RBFOX1: variants seen among roughly 807,000 people sequenced by gnomAD.
The protein encoded by RBFOX1 is RNA binding fox-1 homolog 1, also known as RNA binding protein fox-1 homolog 1.
RBFOX1 carries 8 observed loss-of-function variants against 57.7 expected under a neutral mutation model. The observed-to-expected ratio is 0.14, with a 90% CI of 0.08 to 0.25. The LOEUF is 0.25. Among genes scored for constraint, RBFOX1 ranks in the 10% least tolerant of loss-of-function variants. The pLI is 1.00. For missense variants in RBFOX1, 611 were observed against 548.5 expected, an observed-to-expected ratio of 1.11 and a Z score of -1.14; for synonymous variants, 326 against 222.4, an observed-to-expected ratio of 1.47 and a Z score of -4.15.
intron 2 of RBFOX1, among the ~76,000 whole-genome samples, chr16:6,337,066 G>A (rs144061212): frequency 1.3e-5 from 2 of 152,286 alleles, no homozygotes; most frequent in African/African-American, 4.8e-5. Context: ...TGGAACCCAA[G>A]AGTTCAGAGC....
intron 4 of RBFOX1, among the ~76,000 whole-genome samples, chr16:5,888,461 G>A (rs1322902170): frequency 6.6e-6 from 1 of 152,058 alleles, no homozygotes; most frequent in African/African-American, 2.4e-5. Context: ...CTGTGTTCCA[G>A]CCTCCAATAC....
At chr16:6,004,104 G>A (rs768279044) in intron 4 of RBFOX1, among the ~76,000 whole-genome samples, 9 of 152,188 alleles carry the variant, frequency 5.9e-5, no homozygotes, top group Non-Finnish European at 1.3e-4. Flanking sequence ...CCAAGGTGAT[G>A]GGTTGATAGG....
intron 5 of RBFOX1, among the ~76,000 whole-genome samples, chr16:7,536,563 C>T (rs945211199): frequency 2.6e-5 from 4 of 152,184 alleles, no homozygotes; most frequent in African/African-American, 9.6e-5. Context: ...CACTGCACTC[C>T]AGCCTGGGCA....
At chr16:7,241,018 C>T (rs946694544) in intron 4 of RBFOX1, among the ~76,000 whole-genome samples, 3 of 152,186 alleles carry the variant, frequency 2.0e-5, no homozygotes, top group African/African-American at 7.2e-5. Context: ...AATATCTGTT[C>T]TGGCTATCGT....
intron 1 of RBFOX1, among the ~76,000 whole-genome samples, chr16:6,178,068 A>G (rs2097027490): frequency 6.6e-6 from 1 of 152,062 alleles, no homozygotes; most frequent in South Asian, 2.1e-4. Context: ...TTTCCCTAAA[A>G]TATGATTGCT....
chr16:6,760,814 A>G (rs1603615724), intron 3 of RBFOX1, among the ~76,000 whole-genome samples: 4 of 152,296 alleles, frequency 2.6e-5, no homozygotes, highest in South Asian at 2.1e-4. Context: ...GATTCCAACT[A>G]GAACCAACAC....
At chr16:5,503,586 G>C (rs2043276053) in intron 2 of RBFOX1, among the ~76,000 whole-genome samples, 1 of 152,166 alleles carries the variant, frequency 6.6e-6, no homozygotes, top group Non-Finnish European at 1.5e-5. Context: ...TGGGACTATA[G>C]GTGTGAGCCA....
chr16:6,100,691 T>C (rs756570245), intron 1 of RBFOX1, among the ~76,000 whole-genome samples: 3 of 152,232 alleles, frequency 2.0e-5, no homozygotes, highest in Non-Finnish European at 4.4e-5. Flanking sequence ...AACACCTTAA[T>C]ATAGAGACTA....
At chr16:7,522,169 A>G (rs1475648250) in intron 5 of RBFOX1, among the ~76,000 whole-genome samples, 1 of 152,214 alleles carries the variant, frequency 6.6e-6, no homozygotes. Context: ...CTTCAGAATA[A>G]ATCATTAAAG....
intron 4 of RBFOX1, among the ~76,000 whole-genome samples, chr16:7,419,322 G>C (rs192993450): frequency 2.3e-3 from 354 of 152,176 alleles, no homozygotes; most frequent in Middle Eastern, 6.8e-3. Flanking sequence ...CCCTTAGCTG[G>C]GCATCAAACA....
chr16:7,204,923 C>T (rs996209913), intron 4 of RBFOX1, among the ~76,000 whole-genome samples: 2 of 152,170 alleles, frequency 1.3e-5, no homozygotes, highest in South Asian at 2.1e-4. Flanking sequence ...CTTGCACTGT[C>T]TGGGACTATG....
chr16:7,458,912 C>A (rs2059039947), intron 4 of RBFOX1, among the ~76,000 whole-genome samples: 1 of 152,198 alleles, frequency 6.6e-6, no homozygotes, highest in African/African-American at 2.4e-5. Flanking sequence ...TAAGCTCCAA[C>A]CGGGTAGATA....
At chr16:5,555,643 G>A (rs937987178) in intron 2 of RBFOX1, among the ~76,000 whole-genome samples, 7 of 152,160 alleles carry the variant, frequency 4.6e-5, no homozygotes, top group African/African-American at 1.7e-4. Flanking sequence ...TGGAACATGT[G>A]CCCTATGTGT....
At chr16:6,070,829 C>G (rs1016193119) in intron 1 of RBFOX1, among the ~76,000 whole-genome samples, 11 of 151,008 alleles carry the variant, frequency 7.3e-5, no homozygotes, top group Non-Finnish European at 1.6e-4. Flanking sequence ...CCCCCCCACA[C>G]ACACATTTGC....
At chr16:7,434,211 G>T (rs1045422163) in intron 4 of RBFOX1, among the ~76,000 whole-genome samples, 2 of 152,054 alleles carry the variant, frequency 1.3e-5, no homozygotes, top group African/African-American at 4.8e-5. Context: ...GTGGCTCACG[G>T]CTATAATCCC....
At chr16:7,479,322 G>A (rs1298284270) in intron 4 of RBFOX1, among the ~76,000 whole-genome samples, 3 of 151,910 alleles carry the variant, frequency 2.0e-5, no homozygotes, top group Non-Finnish European at 2.9e-5. Flanking sequence ...TAGAGATGGG[G>A]GTCTCACTTT....
intron 1 of RBFOX1, among the ~76,000 whole-genome samples, chr16:5,382,313 C>T (rs1353603761): frequency 6.6e-6 from 1 of 152,032 alleles, no homozygotes; most frequent in African/African-American, 2.4e-5. Flanking sequence ...TGTTATTCTG[C>T]TCTTTGAAAA....
intron 4 of RBFOX1, among the ~76,000 whole-genome samples, chr16:5,949,513 G>A (rs1317847493): frequency 3.1e-5 from 4 of 128,744 alleles, no homozygotes; most frequent in Admixed American, 2.6e-4. Context: ...GTGGCAGTGC[G>A]AGAGTCCATC....
At chr16:5,477,497 C>T (rs998362583) in intron 2 of RBFOX1, among the ~76,000 whole-genome samples, 3 of 152,130 alleles carry the variant, frequency 2.0e-5, no homozygotes, top group Non-Finnish European at 4.4e-5. Flanking sequence ...ATTTGGGAAA[C>T]GATCTTACTT....
Sources: allele counts gnomAD v4.1 joint callset (sites outside exome capture counted in the v4.1 genomes callset), GRCh38; gene constraint gnomAD v4.1.1; transcripts MANE v1.5; gene names NCBI Gene and HGNC (gene_info 2026-07-23, HGNC 2026-07-21).